The following OASL variants were observed in gnomAD, a reference collection of about 807,000 sequenced individuals.
The protein encoded by OASL is 2'-5'-oligoadenylate synthase-like protein.
Under a neutral mutation model 35.3 loss-of-function variants are expected in OASL, and 28 were observed. The observed-to-expected ratio is 0.79, with a 90% CI of 0.59 to 1.09. The LOEUF (loss-of-function observed/expected upper bound fraction) is 1.09, where lower values mean the gene tolerates loss of function less well. OASL is among the 50% of genes least tolerant of loss of function. OASL has a pLI of 0.00. For synonymous variants in OASL, 252 were observed against 254.6 expected (o/e 0.99, Z 0.10); for missense variants, 620 against 635.2 (o/e 0.98, Z 0.26).
At chr12:121,027,351 G>T (rs1869530137) in intron 4 of OASL, among the ~76,000 whole-genome samples, 1 of 152,160 alleles carries the variant, frequency 6.6e-6, no homozygotes, top group Non-Finnish European at 1.5e-5. Flanking sequence ...GTGGAGGGTG[G>T]CTTAGGAAAC....
intron 5 of OASL, 155 bp downstream of exon 5, chr12:121,023,835 C>T: frequency 1.3e-6 from 1 of 764,076 alleles, no homozygotes; most frequent in Non-Finnish European, 2.0e-6. Flanking sequence ...AGAATTTGTC[C>T]AAGTTCACGG....
exon 4 of OASL, chr12:121,027,739 T>C (rs1357960710): frequency 6.2e-7 from 1 of 1,614,124 alleles, no homozygotes; most frequent in Non-Finnish European, 8.5e-7. Context: ...TCAGTACCCA[T>C]TTCCCAGGCA....
At chr12:121,018,102 C>T (rs114460557), downstream of OASL, among the ~76,000 whole-genome samples, 1,086 of 152,218 alleles carry the variant, frequency 7.1e-3, 19 homozygotes, top group African/African-American at 0.025. Flanking sequence ...TCCAAAAAGT[C>T]CTTACTCCCA....
chr12:121,019,806 T>C (rs1869159687), exon 6 of OASL: 1 of 152,204 alleles, frequency 6.6e-6, no homozygotes, highest in Non-Finnish European at 1.5e-5. Flanking sequence ...GATGCCGTGA[T>C]TGAGGCTGTT....
Position 121,024,615 on chromosome 12 carries a change from C to CA in OASL, c.900-479dup, listed in dbSNP as rs879814365. Among the ~76,000 whole-genome samples, 1,246 of 140,464 alleles carry CA rather than the reference C, an allele frequency of 8.9e-3. 20 individuals carry two copies. The highest frequency in any genetic ancestry group is 0.03 in the African/African-American group (1,136 of 38,352). The allele number at this position is 140,464 out of a possible 152,430, so 92.1% of individuals were successfully genotyped here. ...CCTGGGTGACCGAGTGAGACTGTCT[C>CA]AAAAAAAAAAAAATTCTTCTTCTTT... On this transcript the variant is annotated intron_variant, in intron 4 of 5. Coordinates refer to ENST00000257570, the Ensembl canonical transcript of OASL.
rs371837561 is a variant in OASL, at chr12:121,024,136, G to T, written c.901C>A (p.Pro301Thr). Residue 301 changes from proline (P) to threonine (T), a missense_variant and splice_region_variant, in exon 5 of 6, where the codon CCC becomes ACC. Physicochemically the swap from Pro to Thr is conservative, Grantham distance 38 (BLOSUM62 -1). Transcript: ENST00000257570. ...GGGTCGGCCGGATCCAGGATGATGG[G>T]CCTGTAACACAGGAAAAGGGTGCCC... The T allele has an allele frequency of 1.9e-6, 3 of 1,613,602 alleles. No individual in the cohort carries two copies. In the Admixed American group the frequency reaches 5.0e-5, roughly 27 times the overall value.
chr12:121,039,165 C>CTGCA lies in OASL; in HGVS notation c.-198_-195dup. 1 of 596,530 alleles carries CTGCA rather than the reference C, an allele frequency of 1.7e-6. No individual in the cohort carries two copies. The highest frequency in any genetic ancestry group is 3.0e-6 in the Non-Finnish European group (1 of 333,792). 37.0% of individuals were successfully genotyped at this position (596,530 alleles called of 1,614,324 possible). ...GTCCCCCTTCTTGGAGACACCCTTG[C>CTGCA]TGCAGTAGGGGCACAGGAGGACTCT... On this transcript the variant is annotated 5_prime_UTR_variant, in exon 1 of 6. In the 5' UTR this introduces an upstream ATG that the reference lacks. Coordinates refer to ENST00000257570, the Ensembl canonical transcript of OASL.
chr12:121,030,270 T>C (rs948441098), intron 3 of OASL, among the ~76,000 whole-genome samples: 2 of 152,216 alleles, frequency 1.3e-5, no homozygotes, highest in Non-Finnish European at 2.9e-5. Flanking sequence ...AGTGGCGCGA[T>C]CTCGGCTCAC....
At chr12:121,028,083 G>A (rs936058996) in intron 3 of OASL, among the ~76,000 whole-genome samples, 50 of 152,320 alleles carry the variant, frequency 3.3e-4, no homozygotes, top group Middle Eastern at 3.4e-3. Flanking sequence ...AGCAGATTGC[G>A]CTCGGTCACA....
At chr12:121,023,412 C>T (rs866606677) in intron 5 of OASL, among the ~76,000 whole-genome samples, 6 of 151,732 alleles carry the variant, frequency 4.0e-5, no homozygotes, top group Admixed American at 1.3e-4. Flanking sequence ...CCTCTGCCTC[C>T]GGAGTAGCAG....
chr12:121,032,511 A>G (rs1869777355), intron 2 of OASL, among the ~76,000 whole-genome samples: 1 of 152,094 alleles, frequency 6.6e-6, no homozygotes, highest in African/African-American at 2.4e-5. Context: ...GAAGCTGGTG[A>G]GTAAGCACGC....
At chr12:121,027,434 T>G in intron 4 of OASL, 142 bp downstream of exon 4, 2 of 1,241,536 alleles carry the variant, frequency 1.6e-6, no homozygotes, top group Non-Finnish European at 2.2e-6. Flanking sequence ...ATGCCAGCTG[T>G]GTTGGTGTGG....
At chr12:121,025,526 G>A (rs1869443497) in intron 4 of OASL, among the ~76,000 whole-genome samples, 1 of 151,746 alleles carries the variant, frequency 6.6e-6, no homozygotes, top group Non-Finnish European at 1.5e-5. Context: ...GCATTTTGTG[G>A]GGCCGAGGTG....
At chr12:121,031,020 C>T (rs1189848356) in intron 3 of OASL, among the ~76,000 whole-genome samples, 1 of 151,956 alleles carries the variant, frequency 6.6e-6, no homozygotes, top group Non-Finnish European at 1.5e-5. Context: ...TGCCTGTAGT[C>T]CCAGTTACTT....
At chr12:121,024,115 C>T (rs147562005) in exon 5 of OASL, 24 of 1,613,900 alleles carry the variant, frequency 1.5e-5, no homozygotes, top group African/African-American at 1.1e-4. Flanking sequence ...AGGGTGGGGT[C>T]GGCCGGATCC....
chr12:121,037,569 TC>T (rs1387676690), intron 1 of OASL, among the ~76,000 whole-genome samples: 1 of 151,614 alleles, frequency 6.6e-6, no homozygotes, highest in East Asian at 1.9e-4. Flanking sequence ...GGTCAGGAGA[TC>T]GAGACCATCC....
intron 3 of OASL, among the ~76,000 whole-genome samples, chr12:121,028,331 G>A (rs1313495931): frequency 6.6e-6 from 1 of 152,200 alleles, no homozygotes; most frequent in Non-Finnish European, 1.5e-5. Flanking sequence ...GATGGGCCCT[G>A]ACTGGCACAG....
chr12:121,038,985 G>A, exon 1 of OASL: 1 of 1,611,984 alleles, frequency 6.2e-7, no homozygotes, highest in Non-Finnish European at 8.5e-7. Context: ...TGTCCCGAGA[G>A]TACCGCTGCT....
At chr12:121,035,790 C>G (rs9943763) in intron 1 of OASL, among the ~76,000 whole-genome samples, 2 of 152,182 alleles carry the variant, frequency 1.3e-5, no homozygotes, top group South Asian at 2.1e-4. Context: ...ACCTCCACCC[C>G]CTGGGAGAGG....
Sources: gnomAD v4.1 joint callset for allele counts (sites outside exome capture counted in the v4.1 genomes callset) on GRCh38, gnomAD v4.1.1 for gene constraint, MANE v1.5 for transcripts, NCBI Gene and HGNC (gene_info 2026-07-23, HGNC 2026-07-21) for gene names.